The following RHOF variants were observed in gnomAD, a reference collection of about 807,000 sequenced individuals.
RHOF encodes rho-related GTP-binding protein RhoF.
RHOF carries 21 observed loss-of-function variants against 22.2 expected under a neutral mutation model. The ratio of observed to expected loss-of-function variants is 0.95; its 90% CI spans 0.67 to 1.36. The LOEUF is 1.36. Ranked by LOEUF, RHOF falls within the 40% of genes most tolerant of loss-of-function variation. The probability of loss-of-function intolerance (pLI) is 0.00; values close to 1 mark genes in which losing one functional copy is unlikely to be tolerated. For missense variants in RHOF, 285 were observed against 293.7 expected (o/e 0.97, Z 0.22); for synonymous variants, 135 against 131.2 (o/e 1.03, Z -0.20).
At chr12:121,780,793 G>A (rs768166662) in intron 4 of RHOF, 79 bp downstream of exon 4, 2 of 1,496,498 alleles carry the variant, frequency 1.3e-6, no homozygotes, top group Non-Finnish European at 1.8e-6. Flanking sequence ...AGGCCACTAA[G>A]GCACCCCAGT....
In RHOF at chr12:121,779,466, T is replaced by C. The variant is rs756587388; in HGVS notation, c.*32A>G. 7 of 1,604,094 alleles carry C rather than the reference T, an allele frequency of 4.4e-6. No individual in the cohort carries two copies. Among genetic ancestry groups the C allele is most frequent in the Non-Finnish European group, 5.9e-6 (7 of 1,177,226 alleles). ...TCGGCACCTGGGCCCCCGGGCCCTG[T>C]CAGTGCTGTCGTGAGGTCTGTCTGC... On this transcript the variant is annotated 3_prime_UTR_variant, in exon 5 of 5. Transcript: ENST00000267205.
At chr12:121,793,460 C>T in intron 1 of RHOF, 36 bp downstream of exon 1, 3 of 1,534,676 alleles carry the variant, frequency 2.0e-6, no homozygotes, top group Non-Finnish European at 2.6e-6. Flanking sequence ...TAAGGGGCGT[C>T]CCTCGCCCCC....
intron 2 of RHOF, among the ~76,000 whole-genome samples, chr12:121,788,547 A>G (rs979249422): frequency 3.3e-5 from 5 of 151,958 alleles, no homozygotes; most frequent in Non-Finnish European, 7.4e-5. Context: ...GGGATGGGGG[A>G]GCGTACTATT....
chr12:121,783,179 C>CTCG lies in RHOF; in HGVS notation c.227-1990_227-1988dup, dbSNP rs149838267. Among the ~76,000 whole-genome samples the CTCG allele has an allele frequency of 5.5e-3, 836 of 151,468 alleles. 14 individuals carry two copies. Among genetic ancestry groups the CTCG allele is most frequent in the African/African-American group, 0.02 (803 of 41,140 alleles). On this transcript the variant is annotated intron_variant, in intron 2 of 4. Transcript: ENST00000267205. ...CCCCTACACCATCCTCATCTAAGTC[C>CTCG]TCGTCTGTCCCTCTTCCCTGCCTCC...
intron 2 of RHOF, 41 bp from the exon 3 acceptor site, chr12:121,781,233 C>T: frequency 1.3e-6 from 2 of 1,569,066 alleles, no homozygotes; most frequent in Middle Eastern, 1.7e-4. Flanking sequence ...ACGTCCCCTC[C>T]CTGTCTGGAC....
intron 2 of RHOF, chr12:121,782,816 G>A (rs1874506602): frequency 6.6e-6 from 1 of 152,240 alleles, no homozygotes; most frequent in South Asian, 2.1e-4. Flanking sequence ...GTGTGACCTT[G>A]ACTTAGACAG....
In RHOF at chr12:121,781,016, G is replaced by A; in HGVS notation, c.337-10C>T. 2 of 1,613,456 alleles carry A rather than the reference G, an allele frequency of 1.2e-6. No homozygotes were observed. The highest frequency in any genetic ancestry group is 1.3e-5 in the African/African-American group (1 of 75,074). The stretch of plus-strand genomic sequence containing the variant: ...TGACCTCAGGGAACCACTGTGGAGG[G>A]AGGAGGCGGGATCAGGGGTGCGGCC... On this transcript the variant is annotated splice_polypyrimidine_tract_variant and intron_variant, in intron 3 of 4. Coordinates refer to ENST00000267205, the MANE Select transcript of RHOF (RefSeq NM_019034.3).
At chr12:121,790,433 C>T (rs562276885) in intron 2 of RHOF, among the ~76,000 whole-genome samples, 1 of 152,388 alleles carries the variant, frequency 6.6e-6, no homozygotes, top group African/African-American at 2.4e-5. Flanking sequence ...CCATGGCTTT[C>T]TGTCCTGTTC....
intron 2 of RHOF, among the ~76,000 whole-genome samples, chr12:121,789,777 C>T (rs780921372): frequency 2.0e-5 from 3 of 152,212 alleles, no homozygotes; most frequent in Non-Finnish European, 2.9e-5. Flanking sequence ...GGTTCCTTGT[C>T]TTAGCAAATC....
Position 121,793,487 on chromosome 12 carries a change from G to T in RHOF, c.138+9C>A. 6.5e-7 allele frequency: 1 copy of T among 1,540,728 alleles called. No individual in the cohort carries two copies. Among genetic ancestry groups the T allele is most frequent in the Non-Finnish European group, 8.7e-7 (1 of 1,146,634 alleles). On this transcript the variant is annotated intron_variant, in intron 1 of 4. Coordinates refer to ENST00000267205, the MANE Select transcript of RHOF (RefSeq NM_019034.3). Reference sequence around the variant, plus strand: ...CTCGCCCCCACCCCAGCCCCGCTGCGGGCCTCACCTCGGGGAAGGAGCCCT... The same window carrying T: ...CTCGCCCCCACCCCAGCCCCGCTGCTGGCCTCACCTCGGGGAAGGAGCCCT...
intron 2 of RHOF, among the ~76,000 whole-genome samples, chr12:121,784,100 C>T (rs1009215972): frequency 1.3e-5 from 2 of 152,100 alleles, no homozygotes; most frequent in South Asian, 2.1e-4. Flanking sequence ...CTCTTTTCAC[C>T]GTTTTCTCTC....
In RHOF at chr12:121,779,336, C is replaced by G. The variant is rs1340685376; in HGVS notation, c.*162G>C. The G allele has an allele frequency of 1.3e-6, 1 of 759,330 alleles. No homozygotes were observed. The allele number at this position is 759,330 out of a possible 1,614,324, so 47.0% of individuals were successfully genotyped here. On this transcript the variant is annotated 3_prime_UTR_variant, in exon 5 of 5. Coordinates refer to ENST00000267205, the MANE Select transcript of RHOF (RefSeq NM_019034.3). Reference sequence around the variant, plus strand: ...CCTGGAGGGGAGTTTGTGGTCAGAGCCCCAGCCAGGAAAGGAGAGAGTTCC... The same window carrying G: ...CCTGGAGGGGAGTTTGTGGTCAGAGGCCCAGCCAGGAAAGGAGAGAGTTCC...
At position 121,780,839 on chromosome 12, in the gene RHOF, C is replaced by T. The variant is rs753822967; in HGVS notation, c.471+33G>A. 80 of 1,599,046 alleles carry T rather than the reference C, an allele frequency of 5.0e-5. No homozygotes were observed. The South Asian group carries it at 5.4e-4, about 11-fold the overall frequency. On this transcript the variant is annotated intron_variant, in intron 4 of 4. Coordinates refer to ENST00000267205, the MANE Select transcript of RHOF (RefSeq NM_019034.3). The stretch of plus-strand genomic sequence containing the variant: ...AAAGGTCCGGGAGGCTTCACAGCCA[C>T]GGCTGTGCCCCAGGGTCTTGGCCCC...
intron 2 of RHOF, 31 bp downstream of exon 2, chr12:121,793,121 C>T (rs1205928265): frequency 3.2e-6 from 5 of 1,541,886 alleles, no homozygotes; most frequent in Non-Finnish European, 4.4e-6. Context: ...CGGGCGGACC[C>T]TCGGGCCCCC....
chr12:121,791,703 C>G (rs905803690), intron 2 of RHOF, among the ~76,000 whole-genome samples: 1 of 152,234 alleles, frequency 6.6e-6, no homozygotes, highest in East Asian at 1.9e-4. Flanking sequence ...AAGGCCATCC[C>G]TGTTCTTATG....
At chr12:121,792,296 G>C (rs1306383326) in intron 2 of RHOF, among the ~76,000 whole-genome samples, 1 of 152,238 alleles carries the variant, frequency 6.6e-6, no homozygotes, top group African/African-American at 2.4e-5. Context: ...CACAGAGGTG[G>C]GGTGAGGCCC....
At chr12:121,787,875 A>C (rs1013229899) in intron 2 of RHOF, among the ~76,000 whole-genome samples, 1 of 127,784 alleles carries the variant, frequency 7.8e-6, no homozygotes, top group East Asian at 2.6e-4. Flanking sequence ...TGGGCAACAG[A>C]GTGAGACTCT....
Position 121,780,930 on chromosome 12 carries a change from T to G in RHOF, c.413A>C (p.Asp138Ala). ...CCGGAGCTTCCGCAGCTGCTCCTTGTCCTTCCTCAGGTCTGTCTTGCAGCC... is the reference window on the plus strand; with the variant it reads ...CCGGAGCTTCCGCAGCTGCTCCTTGGCCTTCCTCAGGTCTGTCTTGCAGCC... ...LIGCKTDLRKDKEQLRKLRAA... is the reference protein window; with the variant it reads ...LIGCKTDLRKAKEQLRKLRAA... The change falls in exon 4 of 5, where the codon GAC (aspartate) becomes GCC (alanine). Residue 138 changes from aspartate to alanine, a missense_variant. Transcript: ENST00000267205. The G allele has an allele frequency of 6.2e-7, 1 of 1,614,034 alleles. No homozygotes were observed. The highest frequency in any genetic ancestry group is 8.5e-7 in the Non-Finnish European group (1 of 1,179,974).
rs148688183 is a variant in RHOF, at chr12:121,781,341, C to T, written c.227-149G>A. 1.9e-4 allele frequency: 131 copies of T among 676,842 alleles called. No homozygotes were observed. In the African/African-American group the frequency reaches 2.3e-3, roughly 12 times the overall value. The allele number at this position is 676,842 out of a possible 1,614,324, so 41.9% of individuals were successfully genotyped here. A position where few individuals can be genotyped will look rare whatever the true frequency, so the allele number is the denominator to read the frequency against. ...GGGCAGCAAGCCAGGAGTGCTGGCACAGGCCTGTGGTCGCAGCTACTCGGG... is the reference window on the plus strand; with the variant it reads ...GGGCAGCAAGCCAGGAGTGCTGGCATAGGCCTGTGGTCGCAGCTACTCGGG... On this transcript the variant is annotated intron_variant, in intron 2 of 4. Transcript: ENST00000267205.
Sources: gnomAD v4.1 joint callset for allele counts (sites outside exome capture counted in the v4.1 genomes callset) on GRCh38, gnomAD v4.1.1 for gene constraint, MANE v1.5 for transcripts, NCBI Gene and HGNC (gene_info 2026-07-23, HGNC 2026-07-21) for gene names.